Variants in SI observed in about 807,000 individuals in gnomAD.
SI encodes the protein sucrase-isomaltase.
SI carries 235 observed loss-of-function variants against 253.3 expected under a neutral mutation model. The observed-to-expected ratio is 0.93, with a 90% CI of 0.83 to 1.03. SI has a LOEUF of 1.03. Among genes scored for constraint, SI ranks in the 50% least tolerant of loss-of-function variants. The pLI is 0.00. For missense variants in SI, 2,442 were observed against 2,211.1 expected (o/e 1.10, Z -2.09); for synonymous variants, 819 against 712.0 (o/e 1.15, Z -2.39).
intron 7 of SI, 99 bp from the exon 8 acceptor site, chr3:165,063,640 A>G: frequency 1.6e-6 from 1 of 612,388 alleles, no homozygotes; most frequent in East Asian, 3.0e-5. Flanking sequence ...TTGTTGCTAT[A>G]ATTTACTTCT....
At position 165,024,528 on chromosome 3, in the gene SI, T is replaced by A. The variant is rs976313552; in HGVS notation, c.2893-752A>T. Among the ~76,000 whole-genome samples the A allele has an allele frequency of 3.4e-4, 52 of 151,194 alleles. 1 individual carries two copies. Among genetic ancestry groups the A allele is most frequent in the African/African-American group, 1.3e-3 (52 of 41,310 alleles). On this transcript the variant is annotated intron_variant, in intron 25 of 47. Transcript: ENST00000264382. ...TTAAAAGAAAGGGGCCTAAGCTGAC[T>A]AAATTGAGATACTCTGTTTGACTCA...
intron 16 of SI, among the ~76,000 whole-genome samples, chr3:165,044,394 C>G (rs546371967): frequency 3.3e-5 from 5 of 152,028 alleles, no homozygotes; most frequent in Admixed American, 6.6e-5. Context: ...ATATAGCACA[C>G]GAAGATTCCC....
At chr3:165,025,955 C>A (rs1168276932) in intron 25 of SI, among the ~76,000 whole-genome samples, 1 of 151,100 alleles carries the variant, frequency 6.6e-6, no homozygotes, top group Non-Finnish European at 1.5e-5. Context: ...AAACAAATAG[C>A]ACAATGAATG....
upstream of SI, among the ~76,000 whole-genome samples, chr3:165,081,341 CA>C (rs1169878047): frequency 2.0e-5 from 3 of 151,732 alleles, no homozygotes; most frequent in Admixed American, 2.0e-4. Flanking sequence ...TTGTGAACAC[CA>C]AAAGTGAATC....
rs904571231 is a variant in SI at position 165,054,180 on chromosome 3, C to T, written c.1512+1014G>A. ...TGAATAATTAGAATAATGATTGAATCAATAATGAGCACTTAAGGAAAATAG... is the reference window on the plus strand; with the variant it reads ...TGAATAATTAGAATAATGATTGAATTAATAATGAGCACTTAAGGAAAATAG... On this transcript the variant is annotated intron_variant, in intron 13 of 47. Transcript: ENST00000264382. Among the ~76,000 whole-genome samples, 5 of 151,980 alleles carry T rather than the reference C, an allele frequency of 3.3e-5. 1 individual carries two copies. Among genetic ancestry groups the T allele is most frequent in the African/African-American group, 4.8e-5 (2 of 41,398 alleles).
At chr3:165,076,781 A>G (rs1358176864) in intron 1 of SI, among the ~76,000 whole-genome samples, 1 of 151,656 alleles carries the variant, frequency 6.6e-6, no homozygotes, top group Non-Finnish European at 1.5e-5. Flanking sequence ...CACATCTCCA[A>G]TAATTATCTG....
intron 34 of SI, among the ~76,000 whole-genome samples, chr3:165,010,287 G>A (rs535458160): frequency 6.6e-6 from 1 of 152,168 alleles, no homozygotes; most frequent in South Asian, 2.1e-4. Flanking sequence ...AGCCTCCAGA[G>A]TAGGTGGGAT....
chr3:165,048,921 A>G (rs1291097501), intron 15 of SI, among the ~76,000 whole-genome samples: 1 of 152,044 alleles, frequency 6.6e-6, no homozygotes, highest in Non-Finnish European at 1.5e-5. Flanking sequence ...CCAGCCTACC[A>G]TGTCATTCTT....
At chr3:165,023,167 T>C (rs542681074) in intron 26 of SI, among the ~76,000 whole-genome samples, 1 of 151,548 alleles carries the variant, frequency 6.6e-6, no homozygotes, top group Non-Finnish European at 1.5e-5. Context: ...AAAAATGCTA[T>C]CTCTAAAAGT....
At chr3:165,008,126 A>T (rs1046146889) in intron 35 of SI, 128 bp from the exon 36 acceptor site, 15 of 512,772 alleles carry the variant, frequency 2.9e-5, no homozygotes, top group Middle Eastern at 5.0e-4. Context: ...ACTATTCTAA[A>T]CAAACAAAAT....
intron 12 of SI, among the ~76,000 whole-genome samples, chr3:165,056,936 A>G (rs928952316): frequency 1.4e-4 from 22 of 152,030 alleles, no homozygotes; most frequent in African/African-American, 5.3e-4. Flanking sequence ...GACAGTGACA[A>G]ACATCCACAA....
At chr3:165,076,060 T>C (rs747435951) in intron 1 of SI, 48 bp from the exon 2 acceptor site, 2 of 1,254,446 alleles carry the variant, frequency 1.6e-6, no homozygotes, top group South Asian at 1.5e-5. Flanking sequence ...TATATAACTA[T>C]AATAAACCAC....
At position 165,068,773 on chromosome 3, in the gene SI, G is replaced by A. The variant is rs752904026; in HGVS notation, c.432C>T (p.Asn144=). The change falls in exon 5 of 48, where the codon AAC becomes AAT. Residue 144 remains asparagine, a synonymous_variant. Transcript: ENST00000264382. The part of the protein sequence containing the change: ...PSPTLFGNDI[N]SVLFTTQNQT... ...GATTTTGAGTTGTGAAGAGAACACT[G>A]TTGATGTCATTTCCAAATAGTGTAG... is the stretch of plus-strand genomic sequence containing the variant. 1.9e-6 allele frequency: 3 copies of A among 1,613,748 alleles called. No homozygotes were observed. Among genetic ancestry groups the A allele is most frequent in the East Asian group, 4.5e-5 (2 of 44,862 alleles).
chr3:165,023,774 AC>A lies in SI; in HGVS notation c.2894del (p.Gly965ValfsTer31). Reference sequence around the variant, plus strand: ...ACTCAGGTGCTTTGGATAGAGAAGAACCCTAAAAACACAATGCATGTTCATT... The same window carrying A: ...ACTCAGGTGCTTTGGATAGAGAAGAACCTAAAAACACAATGCATGTTCATT... Reference protein sequence around the residue: ...CTQRGCVWRTGSSLSKAPECY... With the variant: ...CTQRGCVWRTXSSLSKAPECY... On this transcript the variant is annotated frameshift_variant and splice_region_variant, in exon 26 of 48. Coordinates refer to ENST00000264382, the MANE Select transcript of SI (RefSeq NM_001041.4). LOFTEE classifies it high-confidence loss of function. The A allele has an allele frequency of 6.2e-7, 1 of 1,607,112 alleles. No individual in the cohort carries two copies. Among genetic ancestry groups the A allele is most frequent in the Non-Finnish European group, 8.5e-7 (1 of 1,174,856 alleles).
chr3:165,075,354 A>T (rs140277177), intron 2 of SI, among the ~76,000 whole-genome samples: 1 of 152,126 alleles, frequency 6.6e-6, no homozygotes, highest in Non-Finnish European at 1.5e-5. Flanking sequence ...GAAGAAAGAG[A>T]TTCAGCATTC....
chr3:165,074,640 G>T lies in SI; in HGVS notation c.146C>A (p.Ala49Asp). The T allele has an allele frequency of 6.2e-7, 1 of 1,610,194 alleles. No homozygotes were observed. Residue 49 changes from alanine to aspartate, a missense_variant, in exon 3 of 48, where the codon GCT (alanine) becomes GAT (aspartate). Transcript: ENST00000264382. Reference protein sequence around the residue: ...DEISDSTSTPATTRVTTNPSD... With the variant: ...DEISDSTSTPDTTRVTTNPSD... ...AGGATTTGTAGTCACACGAGTAGTA[G>T]CTGGAGTTGAAGTAGAATCACTAAT... is the stretch of plus-strand genomic sequence containing the variant.
intron 31 of SI, 75 bp downstream of exon 31, chr3:165,017,468 TTAAAG>T (rs576458343): frequency 1.1e-5 from 15 of 1,414,370 alleles, no homozygotes; most frequent in African/African-American, 2.9e-5. Flanking sequence ...GCTGCTTAAA[TTAAAG>T]TATACATGTT....
chr3:165,037,049 G>A (rs1712573919), intron 21 of SI, among the ~76,000 whole-genome samples: 1 of 151,632 alleles, frequency 6.6e-6, no homozygotes, highest in Non-Finnish European at 1.5e-5. Flanking sequence ...ATTTACCAAA[G>A]TGTTTGTTGC....
intron 3 of SI, among the ~76,000 whole-genome samples, chr3:165,071,653 T>C (rs536287120): frequency 5.9e-5 from 9 of 152,102 alleles, no homozygotes; most frequent in African/African-American, 2.2e-4. Context: ...GTTAATTAAG[T>C]TTAAATAAGG....
Sources: gnomAD v4.1 joint callset for allele counts (sites outside exome capture counted in the v4.1 genomes callset) on GRCh38, gnomAD v4.1.1 for gene constraint, MANE v1.5 for transcripts, NCBI Gene and HGNC (gene_info 2026-07-23, HGNC 2026-07-21) for gene names.